The following GSAP variants were observed in gnomAD, a reference collection of about 807,000 sequenced individuals.
GSAP encodes gamma-secretase-activating protein.
A neutral mutation model predicts 131.7 loss-of-function variants in GSAP; 118 were observed. That is an observed-to-expected ratio of 0.90 (90% CI 0.77 to 1.04). GSAP has a LOEUF of 1.04. GSAP is among the 50% of genes least tolerant of loss of function. GSAP has a pLI of 0.00. For synonymous variants in GSAP, 381 were observed against 363.4 expected, an observed-to-expected ratio of 1.05 and a Z score of -0.55; for missense variants, 1,019 against 1,013.2, an observed-to-expected ratio of 1.01 and a Z score of -0.08.
chr7:77,347,535 G>A (rs1792094369), intron 19 of GSAP, among the ~76,000 whole-genome samples: 1 of 151,496 alleles, frequency 6.6e-6, no homozygotes, highest in Non-Finnish European at 1.5e-5. Context: ...TGAGAGAGAG[G>A]GAAAACACAG....
chr7:77,325,978 T>C (rs1235492807), intron 23 of GSAP, among the ~76,000 whole-genome samples: 1 of 152,196 alleles, frequency 6.6e-6, no homozygotes, highest in Non-Finnish European at 1.5e-5. Flanking sequence ...GGTTTGTAAA[T>C]TACATATGTA....
intron 19 of GSAP, among the ~76,000 whole-genome samples, chr7:77,344,069 A>G (rs150017911): frequency 0.095 from 14,486 of 152,190 alleles, 745 homozygotes; most frequent in African/African-American, 0.13. Context: ...CTGGGTAGAC[A>G]CTTTCACTGG....
At chr7:77,329,456 G>A (rs756880448) in intron 20 of GSAP, 65 bp from the exon 21 acceptor site, 42 of 818,710 alleles carry the variant, frequency 5.1e-5, no homozygotes, top group Middle Eastern at 2.3e-4. Flanking sequence ...TTCACGTCAA[G>A]GATATAATGC....
chr7:77,376,775 C>CAAAAAA (rs10649095), intron 10 of GSAP, 73 bp downstream of exon 10: 27 of 453,568 alleles, frequency 6.0e-5, no homozygotes, highest in African/African-American at 1.2e-4. Context: ...GACTCCATCT[C>CAAAAAA]AAAAAAAAAA....
chr7:77,379,398 T>A (rs994246669), intron 8 of GSAP, among the ~76,000 whole-genome samples: 2 of 151,606 alleles, frequency 1.3e-5, no homozygotes, highest in Non-Finnish European at 2.9e-5. Context: ...GAGATGGTAT[T>A]ATACTTATGC....
At chr7:77,395,052 T>TA (rs1800139031) in intron 5 of GSAP, among the ~76,000 whole-genome samples, 1 of 152,208 alleles carries the variant, frequency 6.6e-6, no homozygotes, top group Admixed American at 6.5e-5. Flanking sequence ...CATCCCTGAA[T>TA]AGACTTTAAT....
intron 6 of GSAP, among the ~76,000 whole-genome samples, chr7:77,386,759 G>C (rs1333845225): frequency 1.3e-5 from 2 of 152,194 alleles, no homozygotes; most frequent in African/African-American, 2.4e-5. Flanking sequence ...TAGTATGAGA[G>C]CTAAAGCAAA....
At chr7:77,349,290 C>G in intron 19 of GSAP, 61 bp downstream of exon 19, 1 of 1,309,334 alleles carries the variant, frequency 7.6e-7, no homozygotes, top group Admixed American at 1.7e-5. Context: ...CACCATAATA[C>G]TCAGGCAGCA....
chr7:77,397,420 TA>T lies in GSAP; in HGVS notation c.244-6del. The T allele has an allele frequency of 2.0e-6, 3 of 1,501,486 alleles. No individual in the cohort carries two copies. The highest frequency in any genetic ancestry group is 1.8e-6 in the Non-Finnish European group (2 of 1,088,340). 93.0% of individuals were successfully genotyped at this position (1,501,486 alleles called of 1,614,324 possible). ...TTTCTCAAAGGTATATAGAAGCTAT[TA>T]AAACAAAAATATTTTTTAATTTGAA... is the stretch of plus-strand genomic sequence containing the variant. On this transcript the variant is annotated splice_polypyrimidine_tract_variant and splice_region_variant and intron_variant, in intron 3 of 30. Transcript: ENST00000257626.
At chr7:77,366,899 C>A (rs572947109) in intron 12 of GSAP, among the ~76,000 whole-genome samples, 2 of 152,238 alleles carry the variant, frequency 1.3e-5, no homozygotes, top group Admixed American at 1.3e-4. Context: ...TTTCTTTGAG[C>A]AGTGTTTTGT....
chr7:77,409,435 G>C (rs1475691728), intron 1 of GSAP, among the ~76,000 whole-genome samples: 2 of 152,154 alleles, frequency 1.3e-5, no homozygotes, highest in Admixed American at 6.5e-5. Flanking sequence ...ATGAGATAAT[G>C]ATACTTGACC....
intron 8 of GSAP, 65 bp from the exon 9 acceptor site, chr7:77,377,455 G>A (rs1328037946): frequency 7.6e-6 from 11 of 1,439,260 alleles, no homozygotes; most frequent in Non-Finnish European, 9.2e-6. Flanking sequence ...AACATATCTG[G>A]AATTCATAAT....
At chr7:77,415,009 C>T (rs1041643707) in intron 1 of GSAP, among the ~76,000 whole-genome samples, 5 of 151,982 alleles carry the variant, frequency 3.3e-5, no homozygotes, top group Non-Finnish European at 5.9e-5. Context: ...AGGAGCGTGT[C>T]ACCACGCCCA....
chr7:77,346,744 T>C (rs987726042), intron 19 of GSAP, among the ~76,000 whole-genome samples: 1 of 152,046 alleles, frequency 6.6e-6, no homozygotes, highest in African/African-American at 2.4e-5. Flanking sequence ...GACATACTTA[T>C]TGTGGTGTTT....
At chr7:77,342,117 C>G (rs1469314122) in intron 19 of GSAP, among the ~76,000 whole-genome samples, 4 of 152,000 alleles carry the variant, frequency 2.6e-5, no homozygotes, top group African/African-American at 9.7e-5. Flanking sequence ...AACTCTGGCC[C>G]AAGGCTCTCT....
intron 24 of GSAP, among the ~76,000 whole-genome samples, chr7:77,322,309 G>A (rs1055113593): frequency 1.3e-5 from 2 of 152,198 alleles, no homozygotes; most frequent in Non-Finnish European, 2.9e-5. Flanking sequence ...CATGACTAGT[G>A]GCTGCTGGGC....
chr7:77,366,220 C>CAAA (rs1240104513), intron 12 of GSAP, among the ~76,000 whole-genome samples: 2 of 152,104 alleles, frequency 1.3e-5, no homozygotes, highest in African/African-American at 4.8e-5. Flanking sequence ...TTTTGCTGTG[C>CAAA]AGAAGCTCTT....
chr7:77,349,493 A>C, intron 18 of GSAP, 89 bp from the exon 19 acceptor site: 1 of 1,109,282 alleles, frequency 9.0e-7, no homozygotes, highest in Non-Finnish European at 1.4e-6. Context: ...CTGCACAGAC[A>C]GAAGCTGAGG....
At chr7:77,413,460 G>A (rs570646469) in intron 1 of GSAP, among the ~76,000 whole-genome samples, 153 of 152,336 alleles carry the variant, frequency 1.0e-3, no homozygotes, top group African/African-American at 3.5e-3. Context: ...TCTTTGAAAG[G>A]AAAATCTAAG....
Sources: gnomAD v4.1 joint callset for allele counts (sites outside exome capture counted in the v4.1 genomes callset) on GRCh38, gnomAD v4.1.1 for gene constraint, MANE v1.5 for transcripts, NCBI Gene and HGNC (gene_info 2026-07-23, HGNC 2026-07-21) for gene names.